Variants in PTPRN2 observed in about 807,000 individuals in gnomAD.
The protein encoded by PTPRN2 is protein tyrosine phosphatase receptor type N2, also known as receptor-type tyrosine-protein phosphatase N2.
Under a neutral mutation model 118.8 loss-of-function variants are expected in PTPRN2, and 74 were observed. The ratio of observed to expected loss-of-function variants is 0.62; its 90% CI spans 0.52 to 0.76. The LOEUF (loss-of-function observed/expected upper bound fraction) is 0.76. PTPRN2 is among the 30% of genes least tolerant of loss of function. PTPRN2 has a pLI of 0.00. For synonymous variants in PTPRN2, 641 were observed against 608.0 expected, an observed-to-expected ratio of 1.05 and a Z score of -0.80; for missense variants, 1,481 against 1,394.4, an observed-to-expected ratio of 1.06 and a Z score of -0.99.
chr7:158,394,987 G>C (rs1286924293), intron 2 of PTPRN2, among the ~76,000 whole-genome samples: 1 of 152,220 alleles, frequency 6.6e-6, no homozygotes, highest in Non-Finnish European at 1.5e-5. Context: ...GGCCCTGCCC[G>C]TCCACACGAC....
intron 2 of PTPRN2, among the ~76,000 whole-genome samples, chr7:158,411,273 G>A (rs1184937769): frequency 2.0e-5 from 3 of 152,128 alleles, no homozygotes; most frequent in African/African-American, 4.8e-5. Context: ...CCTTCCCCAC[G>A]TAAAGATGTG....
chr7:158,133,844 C>T lies in PTPRN2; in HGVS notation c.1389G>A (p.Ser463=), dbSNP rs111565944. The change falls in exon 9 of 23, where the codon TCG becomes TCA. Residue 463 remains serine (S), a synonymous_variant. Coordinates refer to ENST00000389418, the MANE Select transcript of PTPRN2 (RefSeq NM_002847.5). ...SKDLLGQQPH[S]EPGAAAFGEL... is the part of the protein sequence containing the mutation. ...CCCCAAACGCAGCGGCCCCGGGCTC[C>T]GAATGCGGCTGCTGCCCCAGCAGAT... The T allele has an allele frequency of 6.4e-4, 1,035 of 1,613,954 alleles. 12 individuals are homozygous for T. In the African/African-American group the frequency reaches 0.012, roughly 19 times the overall value.
chr7:158,345,010 A>G (rs1345199107), intron 2 of PTPRN2, among the ~76,000 whole-genome samples: 1 of 152,208 alleles, frequency 6.6e-6, no homozygotes, highest in Non-Finnish European at 1.5e-5. Flanking sequence ...GAGGGAAAGT[A>G]TGGTGCGGAC....
intron 11 of PTPRN2, among the ~76,000 whole-genome samples, chr7:157,932,040 T>C (rs1287534874): frequency 6.6e-6 from 1 of 152,218 alleles, no homozygotes; most frequent in African/African-American, 2.4e-5. Flanking sequence ...AATGGTAACA[T>C]TTTAGGCTTT....
intron 11 of PTPRN2, among the ~76,000 whole-genome samples, chr7:157,951,178 C>T (rs967169974): frequency 5.3e-5 from 8 of 152,128 alleles, no homozygotes; most frequent in South Asian, 2.1e-4. Flanking sequence ...AAGGATGAAA[C>T]GCATATGAAT....
chr7:158,258,301 G>C (rs11973023), intron 3 of PTPRN2, among the ~76,000 whole-genome samples: 5,537 of 152,322 alleles, frequency 0.036, 327 homozygotes, highest in African/African-American at 0.13. Flanking sequence ...GCATCTCCAC[G>C]TGCAGCCCCT....
At chr7:158,044,066 A>G (rs1808666215) in intron 11 of PTPRN2, among the ~76,000 whole-genome samples, 1 of 152,262 alleles carries the variant, frequency 6.6e-6, no homozygotes, top group Non-Finnish European at 1.5e-5. Flanking sequence ...CCTGCCACAC[A>G]TGATTTTCAT....
intron 3 of PTPRN2, among the ~76,000 whole-genome samples, chr7:158,279,621 C>G (rs1799274273): frequency 6.6e-6 from 1 of 152,236 alleles, no homozygotes; most frequent in Non-Finnish European, 1.5e-5. Context: ...CGGCCAGTCC[C>G]ACGGAGTGCC....
intron 2 of PTPRN2, among the ~76,000 whole-genome samples, chr7:158,456,103 C>T (rs1453496319): frequency 5.3e-5 from 8 of 150,716 alleles, no homozygotes; most frequent in African/African-American, 1.2e-4. Flanking sequence ...CATCAATCTG[C>T]GGAGAAGACA....
chr7:158,478,017 G>C (rs1284313411), intron 2 of PTPRN2, among the ~76,000 whole-genome samples: 1 of 152,250 alleles, frequency 6.6e-6, no homozygotes, highest in Non-Finnish European at 1.5e-5. Flanking sequence ...GCGGAGCAGG[G>C]ACAGGACCGA....
chr7:157,631,016 T>A (rs1803905614), intron 14 of PTPRN2, among the ~76,000 whole-genome samples: 1 of 152,204 alleles, frequency 6.6e-6, no homozygotes, highest in Non-Finnish European at 1.5e-5. Context: ...TGTGAATTAA[T>A]GCCATTTATT....
At chr7:158,187,783 T>G (rs1222642497) in intron 5 of PTPRN2, among the ~76,000 whole-genome samples, 1 of 152,216 alleles carries the variant, frequency 6.6e-6, no homozygotes, top group African/African-American at 2.4e-5. Flanking sequence ...TAATTCAAAC[T>G]GGGACACCTC....
intron 12 of PTPRN2, among the ~76,000 whole-genome samples, chr7:157,731,548 C>T (rs867367812): frequency 1.2e-4 from 11 of 89,662 alleles, no homozygotes; most frequent in South Asian, 3.6e-4. Flanking sequence ...GCACAGTTAC[C>T]CTTTCCCGTC....
intron 1 of PTPRN2, among the ~76,000 whole-genome samples, chr7:158,584,352 A>G (rs941961182): frequency 6.6e-6 from 1 of 152,188 alleles, no homozygotes; most frequent in Non-Finnish European, 1.5e-5. Context: ...CTTAAGGAAA[A>G]AGCACTGAGA....
intron 6 of PTPRN2, among the ~76,000 whole-genome samples, chr7:158,156,239 T>C (rs966226340): frequency 2.6e-5 from 4 of 152,226 alleles, no homozygotes; most frequent in African/African-American, 4.8e-5. Context: ...AATGCAATAC[T>C]GAGGCAAAGA....
rs567249820 is a variant in PTPRN2, at chr7:157,981,965, A to G, written c.1724-83228T>C. Reference sequence around the variant, plus strand: ...GTCATAAAGATGAGGAGGGGAATGCAGAGTGCAGGGTACCGCCCAGAACCC... The same window carrying G: ...GTCATAAAGATGAGGAGGGGAATGCGGAGTGCAGGGTACCGCCCAGAACCC... On this transcript the variant is annotated intron_variant, in intron 11 of 22. Coordinates refer to ENST00000389418, the MANE Select transcript of PTPRN2 (RefSeq NM_002847.5). Among the ~76,000 whole-genome samples the G allele has an allele frequency of 2.0e-5, 3 of 151,936 alleles. No individual in the cohort carries two copies. The East Asian group carries it at 5.8e-4, about 29-fold the overall frequency.
intron 11 of PTPRN2, among the ~76,000 whole-genome samples, chr7:157,919,845 C>T (rs975756816): frequency 2.0e-5 from 3 of 152,182 alleles, no homozygotes; most frequent in African/African-American, 4.8e-5. Flanking sequence ...AAGAGTATGA[C>T]GGAGCTGACA....
At chr7:158,312,678 C>T (rs1198538775) in intron 3 of PTPRN2, among the ~76,000 whole-genome samples, 2 of 150,134 alleles carry the variant, frequency 1.3e-5, no homozygotes, top group African/African-American at 4.9e-5. Flanking sequence ...TGCCTGCACA[C>T]ATGCATGCAC....
intron 12 of PTPRN2, among the ~76,000 whole-genome samples, chr7:157,795,079 C>T (rs542698303): frequency 1.8e-4 from 27 of 150,090 alleles, no homozygotes; most frequent in Admixed American, 1.8e-3. Context: ...CTTGAAGCCC[C>T]TCACCTGTGC....
Sources: gnomAD v4.1 joint callset for allele counts (sites outside exome capture counted in the v4.1 genomes callset) on GRCh38, gnomAD v4.1.1 for gene constraint, MANE v1.5 for transcripts, NCBI Gene and HGNC (gene_info 2026-07-23, HGNC 2026-07-21) for gene names.